Variants in CABIN1 observed in about 807,000 individuals in gnomAD.
The protein encoded by CABIN1 is calcineurin binding protein 1.
In CABIN1, 133 loss-of-function variants were observed where a neutral mutation model predicts 227.7. The observed-to-expected ratio is 0.58, with a 90% CI of 0.51 to 0.67. CABIN1 has a LOEUF of 0.67. Ranked by LOEUF, CABIN1 falls within the 30% of genes least tolerant of loss-of-function variation. The pLI is 0.00. For missense variants in CABIN1, 2,408 were observed against 2,852.5 expected (o/e 0.84, Z 3.55); for synonymous variants, 1,086 against 1,155.1 (o/e 0.94, Z 1.21).
intron 8 of CABIN1, among the ~76,000 whole-genome samples, chr22:24,054,338 C>T (rs904628675): frequency 6.6e-6 from 1 of 152,216 alleles, no homozygotes; most frequent in East Asian, 1.9e-4. Context: ...AAACACACAA[C>T]AGTCTCCTGT....
chr22:24,123,194 T>C (rs1442407721), intron 28 of CABIN1, among the ~76,000 whole-genome samples: 1 of 152,166 alleles, frequency 6.6e-6, no homozygotes, highest in Non-Finnish European at 1.5e-5. Context: ...ACCATTGATG[T>C]CAGTATCCCC....
chr22:24,161,248 A>G (rs962900233), intron 29 of CABIN1, among the ~76,000 whole-genome samples: 6 of 152,170 alleles, frequency 3.9e-5, no homozygotes, highest in African/African-American at 1.4e-4. Context: ...GGGAAGCCTC[A>G]AGCACAATCT....
At chr22:24,151,516 C>T (rs968259408) in intron 29 of CABIN1, among the ~76,000 whole-genome samples, 1 of 152,144 alleles carries the variant, frequency 6.6e-6, no homozygotes, top group Admixed American at 6.5e-5. Context: ...GGGCTCCCCT[C>T]CTGAGATGAA....
At chr22:24,057,920 C>A (rs1364872993) in intron 10 of CABIN1, among the ~76,000 whole-genome samples, 2 of 152,194 alleles carry the variant, frequency 1.3e-5, no homozygotes, top group Non-Finnish European at 2.9e-5. Flanking sequence ...CTTAGCCCTG[C>A]TTTTTACTCC....
At chr22:24,020,701 A>G (rs1035404675) in intron 1 of CABIN1, among the ~76,000 whole-genome samples, 1 of 152,188 alleles carries the variant, frequency 6.6e-6, no homozygotes, top group Admixed American at 6.5e-5. Context: ...TCAAATTTTT[A>G]GATAGACACA....
At position 24,079,185 on chromosome 22, in the gene CABIN1, G is replaced by A. The variant is rs144793788; in HGVS notation, c.2748+2901G>A. 6.1e-3 allele frequency among the ~76,000 whole-genome samples: 923 copies of A among 152,118 alleles called. 9 individuals carry two copies. The highest frequency in any genetic ancestry group is 0.021 in the African/African-American group (887 of 41,500). ...CTGGTTAGTCGTTATTATTCATAAC[G>A]CATGTCCACTCCCCCACCTACCTTC... On this transcript the variant is annotated intron_variant, in intron 19 of 36. Coordinates refer to ENST00000263119, the MANE Select transcript of CABIN1 (RefSeq NM_012295.4).
intron 12 of CABIN1, among the ~76,000 whole-genome samples, chr22:24,060,685 C>T (rs1411325697): frequency 6.6e-6 from 1 of 152,012 alleles, no homozygotes; most frequent in Non-Finnish European, 1.5e-5. Flanking sequence ...AGTCACGGCT[C>T]ACTGCAGCTT....
chr22:24,101,444 T>G (rs1016762264), intron 26 of CABIN1, among the ~76,000 whole-genome samples: 1 of 152,156 alleles, frequency 6.6e-6, no homozygotes, highest in African/African-American at 2.4e-5. Context: ...ATAACTCTGG[T>G]TAAAAGCCTT....
intron 29 of CABIN1, among the ~76,000 whole-genome samples, chr22:24,151,256 G>A (rs1488257593): frequency 1.3e-5 from 2 of 152,198 alleles, no homozygotes; most frequent in African/African-American, 2.4e-5. Context: ...TGTGCAGGCC[G>A]TCCAGGGAGG....
chr22:24,053,078 C>CTTTTTTTTTTTTTTTTTTTTTTT (rs71184943), intron 8 of CABIN1, among the ~76,000 whole-genome samples: 2 of 131,278 alleles, frequency 1.5e-5, no homozygotes, highest in African/African-American at 3.0e-5. Context: ...TTTCTTTTTT[C>CTTTTTTTTTTTTTTTTTTTTTTT]TTTTTTTTTT....
intron 5 of CABIN1, 101 bp from the exon 6 acceptor site, chr22:24,042,803 C>G: frequency 9.2e-7 from 1 of 1,088,328 alleles, no homozygotes; most frequent in Non-Finnish European, 1.3e-6. Context: ...GGTGCATATT[C>G]AAGGAGAGAT....
rs748954339 is a variant in CABIN1 at position 24,064,151 on chromosome 22, C to T, written c.2001C>T (p.Pro667=). The change falls in exon 15 of 37, where the codon CCC becomes CCT. Residue 667 remains proline, a synonymous_variant. Transcript: ENST00000263119. ...AERRDIVIRL[P]NLHNDSVVSL... ...GAAGAGACATTGTCATCCGGCTGCC[C>T]AACCTCCATAATGACTCTGTGGTTT... is the stretch of plus-strand genomic sequence containing the variant. 1 of 1,614,198 alleles carries T rather than the reference C, an allele frequency of 6.2e-7. No homozygotes were observed. The highest frequency in any genetic ancestry group is 8.5e-7 in the Non-Finnish European group (1 of 1,180,030).
At chr22:24,065,794 G>A (rs897002617) in intron 15 of CABIN1, among the ~76,000 whole-genome samples, 1 of 152,270 alleles carries the variant, frequency 6.6e-6, no homozygotes, top group Non-Finnish European at 1.5e-5. Flanking sequence ...TCGCGATTAG[G>A]AGCTGGAGAC....
At chr22:24,120,207 G>A (rs1243078038) in intron 28 of CABIN1, among the ~76,000 whole-genome samples, 5 of 152,118 alleles carry the variant, frequency 3.3e-5, no homozygotes, top group African/African-American at 7.2e-5. Context: ...GGCTCTTGTC[G>A]CTGGTGCAGC....
At chr22:24,176,312 A>G (rs1419887695) in intron 35 of CABIN1, 37 bp downstream of exon 35, 2 of 1,571,334 alleles carry the variant, frequency 1.3e-6, no homozygotes, top group Middle Eastern at 2.0e-4. Flanking sequence ...ACCAGCCCCC[A>G]GGAGGCTGCC....
chr22:24,021,312 G>T (rs999977241), intron 1 of CABIN1, among the ~76,000 whole-genome samples: 1 of 151,918 alleles, frequency 6.6e-6, no homozygotes, highest in Non-Finnish European at 1.5e-5. Context: ...GAGCCACCAA[G>T]CCTGGCCATC....
chr22:24,064,322 C>A, intron 15 of CABIN1, 135 bp downstream of exon 15: 1 of 973,962 alleles, frequency 1.0e-6, no homozygotes, highest in Non-Finnish European at 1.6e-6. Flanking sequence ...TCTCCTGCCT[C>A]AGCCTCCTGA....
intron 15 of CABIN1, among the ~76,000 whole-genome samples, chr22:24,064,538 TGATC>T (rs1214925874): frequency 6.9e-6 from 1 of 144,338 alleles, no homozygotes; most frequent in African/African-American, 2.5e-5. Flanking sequence ...TTTTTTTTAT[TGATC>T]ATTCTTGGGT....
chr22:24,072,237 T>C (rs1217674225), intron 17 of CABIN1, 117 bp from the exon 18 acceptor site: 8 of 984,248 alleles, frequency 8.1e-6, no homozygotes, highest in Non-Finnish European at 1.3e-5. Flanking sequence ...ATCTGAGCAG[T>C]GGGGGTGGGC....
Sources: gnomAD v4.1 joint callset for allele counts (sites outside exome capture counted in the v4.1 genomes callset) on GRCh38, gnomAD v4.1.1 for gene constraint, MANE v1.5 for transcripts, NCBI Gene and HGNC (gene_info 2026-07-23, HGNC 2026-07-21) for gene names.